Variants in XKR9 observed in about 807,000 individuals in gnomAD.
XKR9 encodes the protein XK related 9, also known as XK-related protein 9.
Under a neutral mutation model 32.0 loss-of-function variants are expected in XKR9, and 32 were observed. The observed-to-expected ratio is 1.00, with a 90% CI of 0.76 to 1.34. The LOEUF is 1.34. Ranked by LOEUF, XKR9 falls within the 40% of genes most tolerant of loss-of-function variation. The pLI, the probability that XKR9 is intolerant of heterozygous loss-of-function variation, is 0.00. For missense variants in XKR9, 546 were observed against 429.7 expected, an observed-to-expected ratio of 1.27 and a Z score of -2.39; for synonymous variants, 168 against 143.4, an observed-to-expected ratio of 1.17 and a Z score of -1.22.
At chr8:70,980,770 G>GT in the XKR9 span, among the ~76,000 whole-genome samples, 1 of 152,202 alleles carries the variant, frequency 6.6e-6, no homozygotes, top group African/African-American at 2.4e-5. Context: ...TTATTTAGGT[G>GT]TAATTCAAGG....
intron 4 of XKR9, among the ~76,000 whole-genome samples, chr8:70,717,397 C>T (rs1283313313): frequency 1.3e-5 from 2 of 152,240 alleles, no homozygotes; most frequent in Admixed American, 1.3e-4. Flanking sequence ...CATTTCCATA[C>T]ATCCTCTAAA....
At chr8:70,853,063 A>G in the XKR9 span, among the ~76,000 whole-genome samples, 1 of 152,184 alleles carries the variant, frequency 6.6e-6, no homozygotes, top group Non-Finnish European at 1.5e-5. Context: ...CTATTCAACC[A>G]TAAAAAAGAA....
chr8:70,906,178 C>T, the XKR9 span, among the ~76,000 whole-genome samples: 3 of 152,228 alleles, frequency 2.0e-5, no homozygotes, highest in Non-Finnish European at 2.9e-5. Flanking sequence ...GCGTTTAAGT[C>T]TGCAGAAGTT....
the XKR9 span, among the ~76,000 whole-genome samples, chr8:70,996,421 A>C: frequency 6.6e-6 from 1 of 152,068 alleles, no homozygotes; most frequent in Admixed American, 6.5e-5. Context: ...TGTATGAGTT[A>C]GCTGTTACTC....
At chr8:71,003,178 A>G in the XKR9 span, among the ~76,000 whole-genome samples, 1 of 152,196 alleles carries the variant, frequency 6.6e-6, no homozygotes, top group Non-Finnish European at 1.5e-5. Flanking sequence ...GAAACTCTTT[A>G]TACAGTTTTA....
At chr8:70,689,334 A>C (rs1819426772) in intron 3 of XKR9, among the ~76,000 whole-genome samples, 1 of 151,796 alleles carries the variant, frequency 6.6e-6, no homozygotes, top group Non-Finnish European at 1.5e-5. Context: ...CAAAAATCTG[A>C]ATGACTATAT....
At chr8:70,908,154 G>A in the XKR9 span, among the ~76,000 whole-genome samples, 1 of 152,082 alleles carries the variant, frequency 6.6e-6, no homozygotes, top group African/African-American at 2.4e-5. Context: ...GTCTTGGATA[G>A]AGACTGTTTC....
At chr8:70,959,747 G>GT in the XKR9 span, among the ~76,000 whole-genome samples, 2 of 152,194 alleles carry the variant, frequency 1.3e-5, no homozygotes, top group African/African-American at 4.8e-5. Flanking sequence ...TTTGTTATGA[G>GT]TGAGGCTGAA....
At chr8:70,756,904 A>G (rs977133263) in intron 2 of XKR9, among the ~76,000 whole-genome samples, 2 of 152,126 alleles carry the variant, frequency 1.3e-5, no homozygotes, top group African/African-American at 4.8e-5. Flanking sequence ...TTGAGGGTGG[A>G]CATCCCTGTC....
At chr8:70,880,640 G>A in the XKR9 span, among the ~76,000 whole-genome samples, 2 of 152,048 alleles carry the variant, frequency 1.3e-5, no homozygotes, top group African/African-American at 2.4e-5. Context: ...ACAAATGGAA[G>A]AATATTCCAT....
intron 2 of XKR9, among the ~76,000 whole-genome samples, chr8:70,785,729 CTCTCTCTCTCTA>C (rs1807676052): frequency 9.0e-6 from 1 of 111,166 alleles, no homozygotes; most frequent in Non-Finnish European, 2.1e-5. Flanking sequence ...CTCTCTCTCT[CTCTCTCTCTCTA>C]TATATATATA....
the XKR9 span, among the ~76,000 whole-genome samples, chr8:71,033,445 TCTCATCACTG>T: frequency 1.3e-5 from 2 of 152,172 alleles, no homozygotes; most frequent in African/African-American, 4.8e-5. Flanking sequence ...ATAGTAGTGC[TCTCATCACTG>T]CTACATTGTG....
chr8:70,711,052 G>A (rs915789477), intron 4 of XKR9, among the ~76,000 whole-genome samples: 7 of 152,128 alleles, frequency 4.6e-5, no homozygotes, highest in Non-Finnish European at 8.8e-5. Context: ...TTAGAGAAAT[G>A]CAAATCAAAA....
the XKR9 span, among the ~76,000 whole-genome samples, chr8:70,878,404 G>A: frequency 6.6e-6 from 1 of 152,032 alleles, no homozygotes. Context: ...CTATATTCAG[G>A]AGACCCACCT....
At chr8:71,043,966 T>G in the XKR9 span, among the ~76,000 whole-genome samples, 1 of 152,162 alleles carries the variant, frequency 6.6e-6, no homozygotes, top group African/African-American at 2.4e-5. Flanking sequence ...GGCTTAAGGT[T>G]AAACAAAATT....
At chr8:71,037,990 CA>C in the XKR9 span, among the ~76,000 whole-genome samples, 1 of 152,044 alleles carries the variant, frequency 6.6e-6, no homozygotes, top group Non-Finnish European at 1.5e-5. Context: ...TATTTTCCCA[CA>C]AAAAAATTGA....
intron 2 of XKR9, among the ~76,000 whole-genome samples, chr8:70,786,794 A>G (rs1348086514): frequency 6.6e-6 from 1 of 152,120 alleles, no homozygotes. Context: ...AGGACCTACT[A>G]CTGCCATTTT....
chr8:70,967,296 C>G, the XKR9 span, among the ~76,000 whole-genome samples: 1 of 152,032 alleles, frequency 6.6e-6, no homozygotes, highest in Non-Finnish European at 1.5e-5. Context: ...GTCTTGATCT[C>G]CTGACCTCGT....
chr8:71,011,047 T>C, the XKR9 span, among the ~76,000 whole-genome samples: 1 of 152,288 alleles, frequency 6.6e-6, no homozygotes, highest in Admixed American at 6.5e-5. Context: ...GTAGCTATTA[T>C]GACACAATAT....
Sources: allele counts gnomAD v4.1 joint callset (sites outside exome capture counted in the v4.1 genomes callset), GRCh38; gene constraint gnomAD v4.1.1; transcripts MANE v1.5; gene names NCBI Gene and HGNC (gene_info 2026-07-23, HGNC 2026-07-21).